Variants in GLI2 observed in about 807,000 individuals in gnomAD.
GLI2 encodes transcription activator GLI2.
A neutral mutation model predicts 78.9 loss-of-function variants in GLI2; 22 were observed. The ratio of observed to expected loss-of-function variants is 0.28; its 90% confidence interval spans 0.20 to 0.40. GLI2 has a LOEUF of 0.40. Ranked by LOEUF, GLI2 falls within the 10% of genes least tolerant of loss-of-function variation. GLI2 has a pLI of 1.00. For missense variants in GLI2, 2,097 were observed against 2,213.2 expected, an observed-to-expected ratio of 0.95 and a Z score of 1.05; for synonymous variants, 974 against 963.7, an observed-to-expected ratio of 1.01 and a Z score of -0.20.
intron 9 of GLI2, among the ~76,000 whole-genome samples, chr2:120,978,100 A>G (rs1381723827): frequency 2.6e-5 from 4 of 152,166 alleles, no homozygotes; most frequent in African/African-American, 9.7e-5. Flanking sequence ...TTTGCCCAAT[A>G]TAGACGGTCA....
chr2:120,895,253 C>T (rs1355577286), intron 2 of GLI2, among the ~76,000 whole-genome samples: 2 of 152,182 alleles, frequency 1.3e-5, no homozygotes, highest in Admixed American at 6.5e-5. Context: ...CAAAACTAAA[C>T]GTGTGAACTT....
intron 2 of GLI2, among the ~76,000 whole-genome samples, chr2:120,836,208 C>A (rs530857406): frequency 2.1e-3 from 314 of 152,272 alleles, no homozygotes; most frequent in African/African-American, 7.2e-3. Context: ...CCAGGAGTAG[C>A]GTCAGACCAG....
At chr2:120,963,464 C>T (rs892501784) in intron 5 of GLI2, among the ~76,000 whole-genome samples, 4 of 146,606 alleles carry the variant, frequency 2.7e-5, no homozygotes, top group East Asian at 1.9e-4. Context: ...TGCGCGCACG[C>T]GCATCCACCT....
At chr2:120,797,607 C>A in intron 2 of GLI2, 139 bp downstream of exon 2, 2 of 770,348 alleles carry the variant, frequency 2.6e-6, no homozygotes, top group East Asian at 5.4e-5. Flanking sequence ...ACCTCTGCTC[C>A]CAGGAATCCC....
chr2:120,769,188 T>C (rs1353250786), intron 1 of GLI2, among the ~76,000 whole-genome samples: 1 of 152,210 alleles, frequency 6.6e-6, no homozygotes, highest in Non-Finnish European at 1.5e-5. Context: ...CCTGGTGGTC[T>C]GGCACTAGCT....
intron 2 of GLI2, among the ~76,000 whole-genome samples, chr2:120,877,253 A>G (rs149614450): frequency 6.5e-4 from 99 of 152,230 alleles, no homozygotes; most frequent in African/African-American, 2.4e-3. Flanking sequence ...TGTGGACCCA[A>G]TGCACAGACC....
intron 1 of GLI2, among the ~76,000 whole-genome samples, chr2:120,736,767 C>T (rs909673381): frequency 6.6e-6 from 1 of 152,048 alleles, no homozygotes; most frequent in African/African-American, 2.4e-5. Flanking sequence ...CTCCACTTCT[C>T]CGCGCTGCGC....
chr2:120,888,892 T>G (rs1435266764), intron 2 of GLI2, among the ~76,000 whole-genome samples: 1 of 152,182 alleles, frequency 6.6e-6, no homozygotes, highest in Non-Finnish European at 1.5e-5. Context: ...TGACTTCGTG[T>G]TTCTAGTTCT....
chr2:120,944,301 G>A (rs920404271), intron 3 of GLI2, among the ~76,000 whole-genome samples: 2 of 152,320 alleles, frequency 1.3e-5, no homozygotes, highest in Admixed American at 6.5e-5. Context: ...CTAGATGAGC[G>A]GGGTGAGCAC....
chr2:120,938,167 C>T (rs532035808), intron 3 of GLI2, among the ~76,000 whole-genome samples: 5 of 152,202 alleles, frequency 3.3e-5, no homozygotes, highest in Admixed American at 6.5e-5. Context: ...TAAGCAGGAC[C>T]GACTCCCCCA....
chr2:120,869,055 G>T (rs1162566280), intron 2 of GLI2, among the ~76,000 whole-genome samples: 1 of 152,220 alleles, frequency 6.6e-6, no homozygotes, highest in African/African-American at 2.4e-5. Flanking sequence ...TGGGCCAAGA[G>T]TTCTCTATTC....
At position 120,797,350 on chromosome 2, in the gene GLI2, C is replaced by T. The variant is rs145169912; in HGVS notation, c.30C>T (p.Ser10=). The T allele has an allele frequency of 2.6e-5, 42 of 1,613,900 alleles. No homozygotes were observed. The highest frequency in any genetic ancestry group is 6.7e-5 in the African/African-American group (5 of 74,900). ...AGACGTCTGCCTCAGCCACTGCCTC[C>T]GAGAAGCAAGAAGCCAAAAGTGGGA... METSASATA[S]EKQEAKSGIL... Residue 10 remains serine (S), a synonymous_variant, in exon 2 of 14, where the codon TCC becomes TCT. Transcript: ENST00000361492.
Position 120,992,132 on chromosome 2 carries a change from C to T in GLI2, c.*1457C>T, listed in dbSNP as rs1035440651. 2.0e-5 allele frequency: 3 copies of T among 152,472 alleles called. No homozygotes were observed. The highest frequency in any genetic ancestry group is 2.9e-5 in the Non-Finnish European group (2 of 68,042). 9.4% of individuals were successfully genotyped at this position (152,472 alleles called of 1,614,324 possible). ...GTGTGACTCTGACTGTGACCTTGGC[C>T]TTAATGAGGAACTTCTTAGGAGAGT... On this transcript the variant is annotated 3_prime_UTR_variant, in exon 14 of 14. Transcript: ENST00000361492.
At chr2:120,880,604 A>G (rs1024862942) in intron 2 of GLI2, among the ~76,000 whole-genome samples, 3 of 152,140 alleles carry the variant, frequency 2.0e-5, no homozygotes, top group African/African-American at 7.2e-5. Context: ...CCCCACCAAG[A>G]GGCTGAGCCT....
chr2:120,773,962 C>T (rs1683603196), intron 1 of GLI2, among the ~76,000 whole-genome samples: 1 of 140,900 alleles, frequency 7.1e-6, no homozygotes, highest in Non-Finnish European at 1.6e-5. Flanking sequence ...TCCTTCCCTC[C>T]CTCCTTCCCT....
At chr2:120,925,243 G>A (rs181586274) in intron 2 of GLI2, among the ~76,000 whole-genome samples, 2 of 152,322 alleles carry the variant, frequency 1.3e-5, no homozygotes, top group Non-Finnish European at 2.9e-5. Context: ...TCTGAGTTGG[G>A]GAAACTGATT....
chr2:120,927,323 A>G (rs1573615583), intron 2 of GLI2, 38 bp from the exon 3 acceptor site: 2 of 1,420,400 alleles, frequency 1.4e-6, no homozygotes, highest in Non-Finnish European at 2.0e-6. Context: ...GGGAGGGGGA[A>G]AGTTTTTGAA....
chr2:120,919,510 G>C (rs146446914), intron 2 of GLI2, among the ~76,000 whole-genome samples: 1,666 of 152,348 alleles, frequency 0.011, 26 homozygotes, highest in African/African-American at 0.037. Context: ...GTGCATGTGG[G>C]CATCACAGAG....
intron 3 of GLI2, among the ~76,000 whole-genome samples, chr2:120,928,308 G>A (rs1360558986): frequency 1.3e-5 from 2 of 152,094 alleles, no homozygotes; most frequent in Non-Finnish European, 2.9e-5. Flanking sequence ...ATGTCTCTGT[G>A]CCTGGGGCCA....
Sources: gnomAD v4.1 joint callset for allele counts (sites outside exome capture counted in the v4.1 genomes callset) on GRCh38, gnomAD v4.1.1 for gene constraint, MANE v1.5 for transcripts, NCBI Gene and HGNC (gene_info 2026-07-23, HGNC 2026-07-21) for gene names.